The following CADM2 variants were observed in gnomAD, a reference collection of about 807,000 sequenced individuals.
The protein encoded by CADM2 is cell adhesion molecule 2, also known as immunoglobulin superfamily member 4D.
A neutral mutation model predicts 49.8 loss-of-function variants in CADM2; 12 were observed. The observed-to-expected ratio is 0.24, with a 90% CI of 0.15 to 0.39. The LOEUF is 0.39. Ranked by LOEUF, CADM2 falls within the 10% of genes least tolerant of loss-of-function variation. The pLI, the probability that CADM2 is intolerant of heterozygous loss-of-function variation, is 1.00. For synonymous variants in CADM2, 214 were observed against 175.4 expected, an observed-to-expected ratio of 1.22 and a Z score of -1.74; for missense variants, 378 against 492.3, an observed-to-expected ratio of 0.77 and a Z score of 2.20.
chr3:85,241,797 T>C (rs949574197), intron 1 of CADM2, among the ~76,000 whole-genome samples: 1 of 151,490 alleles, frequency 6.6e-6, no homozygotes, highest in Non-Finnish European at 1.5e-5. Context: ...TTCAGGTAGG[T>C]CATTTACTTC....
chr3:85,530,322 G>GTTTTTTTTTTT (rs57504567), intron 1 of CADM2, among the ~76,000 whole-genome samples: 1 of 31,254 alleles, frequency 3.2e-5, no homozygotes, highest in Non-Finnish European at 9.1e-5. Flanking sequence ...TCTTTTCTCC[G>GTTTTTTTTTTT]TTTTTTTTTT....
chr3:84,960,054 C>T (rs2030316523), intron 1 of CADM2: 1 of 319,650 alleles, frequency 3.1e-6, no homozygotes, highest in Admixed American at 4.9e-5. Context: ...TCTTGAGCGA[C>T]CCTCTCCATC....
At chr3:85,721,221 T>C (rs2067491904) in intron 1 of CADM2, among the ~76,000 whole-genome samples, 1 of 152,242 alleles carries the variant, frequency 6.6e-6, no homozygotes, top group South Asian at 2.1e-4. Flanking sequence ...ACTTTTCATA[T>C]ATGAAAACTT....
At chr3:85,568,403 CTT>C (rs1491559180) in intron 1 of CADM2, among the ~76,000 whole-genome samples, 3 of 26,902 alleles carry the variant, frequency 1.1e-4, no homozygotes, top group African/African-American at 3.2e-4. Flanking sequence ...CTCCCTCTTT[CTT>C]TCTTTCTTTC....
intron 1 of CADM2, among the ~76,000 whole-genome samples, chr3:85,668,662 T>G: frequency 6.6e-6 from 1 of 152,242 alleles, no homozygotes; most frequent in African/African-American, 2.4e-5. Context: ...TGTGACTTGT[T>G]CCTCCTTGCC....
At chr3:85,438,843 T>G (rs1043452838) in intron 1 of CADM2, among the ~76,000 whole-genome samples, 1 of 151,816 alleles carries the variant, frequency 6.6e-6, no homozygotes, top group African/African-American at 2.4e-5. Flanking sequence ...TGGATAATAT[T>G]TATTTATTTA....
intron 1 of CADM2, among the ~76,000 whole-genome samples, chr3:85,713,188 C>T (rs2067169043): frequency 1.3e-5 from 2 of 152,176 alleles, no homozygotes; most frequent in South Asian, 4.1e-4. Flanking sequence ...ACCTCCGCCT[C>T]CCGGGTTCAA....
intron 1 of CADM2, among the ~76,000 whole-genome samples, chr3:85,110,374 C>G (rs1056462083): frequency 2.0e-5 from 3 of 151,736 alleles, no homozygotes; most frequent in Non-Finnish European, 4.4e-5. Context: ...TGAGCAAAGT[C>G]AAAAGAGAGA....
chr3:85,410,618 A>G (rs1196335052), intron 1 of CADM2, among the ~76,000 whole-genome samples: 1 of 152,178 alleles, frequency 6.6e-6, no homozygotes, highest in Non-Finnish European at 1.5e-5. Flanking sequence ...ATGAGGTCTG[A>G]GTTTTGCCGA....
intron 1 of CADM2, among the ~76,000 whole-genome samples, chr3:85,467,444 A>G (rs989634019): frequency 6.6e-6 from 1 of 152,196 alleles, no homozygotes; most frequent in Non-Finnish European, 1.5e-5. Context: ...TAAGGATGAT[A>G]GCTCTTGCTG....
At position 85,380,107 on chromosome 3, in the gene CADM2, G is replaced by A. The variant is rs187514203; in HGVS notation, c.62-346415G>A. Among the ~76,000 whole-genome samples, 377 of 151,972 alleles carry A rather than the reference G, an allele frequency of 2.5e-3. 2 individuals are homozygous for A. The highest frequency in any genetic ancestry group is 8.5e-3 in the African/African-American group (353 of 41,500). ...TACTACATAAATCATCTTGGTTATC[G>A]CATGCATATTAATATAGATTATTAA... On this transcript the variant is annotated intron_variant, in intron 1 of 9. Transcript: ENST00000383699.
chr3:85,723,675 A>G (rs1185033975), intron 1 of CADM2, among the ~76,000 whole-genome samples: 1 of 152,084 alleles, frequency 6.6e-6, no homozygotes, highest in Non-Finnish European at 1.5e-5. Flanking sequence ...CTGTCTTCAT[A>G]CAATGTTTGA....
intron 3 of CADM2, among the ~76,000 whole-genome samples, chr3:85,814,683 G>A (rs1335335842): frequency 2.0e-5 from 3 of 151,856 alleles, no homozygotes; most frequent in Non-Finnish European, 2.9e-5. Flanking sequence ...AATGATATAG[G>A]AAATATCACC....
chr3:85,686,923 A>G (rs2066234757), intron 1 of CADM2, among the ~76,000 whole-genome samples: 1 of 152,122 alleles, frequency 6.6e-6, no homozygotes, highest in Non-Finnish European at 1.5e-5. Flanking sequence ...ATGTTGATTG[A>G]TGTCTAATGA....
chr3:85,384,468 C>A (rs150642777), intron 1 of CADM2, among the ~76,000 whole-genome samples: 1 of 151,958 alleles, frequency 6.6e-6, no homozygotes, highest in Non-Finnish European at 1.5e-5. Context: ...CCCGCCACCA[C>A]GCCCGGCTAA....
At chr3:85,543,266 T>A (rs916536367) in intron 1 of CADM2, among the ~76,000 whole-genome samples, 4 of 114,992 alleles carry the variant, frequency 3.5e-5, no homozygotes, top group African/African-American at 1.1e-4. Flanking sequence ...TATTTTTATT[T>A]TTTTTGGAGA....
chr3:85,062,923 T>C (rs1369038038), intron 1 of CADM2, among the ~76,000 whole-genome samples: 1 of 150,180 alleles, frequency 6.7e-6, no homozygotes, highest in South Asian at 2.1e-4. Context: ...CAATTATGAA[T>C]TTTAGACTAT....
At chr3:85,903,183 CATTA>C (rs1338987286) in intron 5 of CADM2, among the ~76,000 whole-genome samples, 1 of 151,844 alleles carries the variant, frequency 6.6e-6, no homozygotes, top group East Asian at 1.9e-4. Context: ...TGTTTTACAT[CATTA>C]ATTTTGTTTC....
rs138030267 is a variant in CADM2 at position 85,569,133 on chromosome 3, C to T, written c.62-157389C>T. The stretch of plus-strand genomic sequence containing the variant: ...TGATGCATTTTTATAGGCACACCTA[C>T]CTCCCCTCCACACCCAATCCTGATT... On this transcript the variant is annotated intron_variant, in intron 1 of 9. Coordinates refer to ENST00000383699, the MANE Select transcript of CADM2 (RefSeq NM_001167675.2). 1.5e-4 allele frequency among the ~76,000 whole-genome samples: 23 copies of T among 152,224 alleles called. No individual in the cohort carries two copies. The East Asian group carries it at 4.1e-3, about 27-fold the overall frequency.
Sources: gnomAD v4.1 joint callset for allele counts (sites outside exome capture counted in the v4.1 genomes callset) on GRCh38, gnomAD v4.1.1 for gene constraint, MANE v1.5 for transcripts, NCBI Gene and HGNC (gene_info 2026-07-23, HGNC 2026-07-21) for gene names.